RARB: variants seen among roughly 807,000 people sequenced by gnomAD.
RARB encodes the protein retinoic acid receptor beta.
In RARB, 17 loss-of-function variants were observed where a neutral mutation model predicts 51.9. That is an observed-to-expected ratio of 0.33 (90% CI 0.22 to 0.49). The LOEUF (loss-of-function observed/expected upper bound fraction) is 0.49. Ranked by LOEUF, RARB falls within the 20% of genes least tolerant of loss-of-function variation. The pLI is 0.99. For synonymous variants in RARB, 215 were observed against 195.4 expected (o/e 1.10, Z -0.84); for missense variants, 369 against 550.8 (o/e 0.67, Z 3.30).
At chr3:25,561,470 G>A (rs1483120002) in intron 3 of RARB, among the ~76,000 whole-genome samples, 3 of 152,130 alleles carry the variant, frequency 2.0e-5, no homozygotes, top group Admixed American at 6.5e-5. Flanking sequence ...CCATGGATCA[G>A]TCGGGTTGTA....
intron 2 of RARB, among the ~76,000 whole-genome samples, chr3:24,954,125 T>C (rs1266804003): frequency 6.6e-6 from 1 of 152,206 alleles, no homozygotes; most frequent in African/African-American, 2.4e-5. Context: ...CCTGCTCTTT[T>C]TATGGGTACC....
intron 2 of RARB, among the ~76,000 whole-genome samples, chr3:24,987,632 G>A (rs929381648): frequency 1.3e-5 from 2 of 152,208 alleles, no homozygotes; most frequent in African/African-American, 2.4e-5. Context: ...TAATGGCCCG[G>A]TTTTAAGAGA....
At chr3:25,318,691 T>A (rs1181759246) in intron 5 of RARB, among the ~76,000 whole-genome samples, 1 of 152,194 alleles carries the variant, frequency 6.6e-6, no homozygotes, top group Non-Finnish European at 1.5e-5. Context: ...TAGAATTCTT[T>A]GGTCTTCTTG....
At chr3:25,121,903 C>A (rs527699306) in intron 3 of RARB, among the ~76,000 whole-genome samples, 2 of 152,258 alleles carry the variant, frequency 1.3e-5, no homozygotes, top group African/African-American at 4.8e-5. Context: ...GGACCTGTCA[C>A]GTTCTTCTAC....
Position 25,454,165 on chromosome 3 carries a change from G to GT in RARB, c.158-7026dup, listed in dbSNP as rs571796183. Among the ~76,000 whole-genome samples the GT allele has an allele frequency of 5.6e-3, 856 of 152,316 alleles. 16 individuals carry two copies. Among genetic ancestry groups the GT allele is most frequent in the African/African-American group, 0.019 (789 of 41,552 alleles). ...ATTTTACTAAAATGTCTACACACGAGTTCATACACGCATGCGCACACGCAA... is the reference window on the plus strand; with the variant it reads ...ATTTTACTAAAATGTCTACACACGAGTTTCATACACGCATGCGCACACGCAA... On this transcript the variant is annotated intron_variant, in intron 1 of 7. Coordinates refer to ENST00000330688, the MANE Select transcript of RARB (RefSeq NM_000965.5).
intron 2 of RARB, among the ~76,000 whole-genome samples, chr3:24,918,535 G>C (rs955405544): frequency 6.6e-6 from 1 of 152,102 alleles, no homozygotes; most frequent in African/African-American, 2.4e-5. Flanking sequence ...CTTATAACAG[G>C]TGAATGTTAT....
intron 2 of RARB, among the ~76,000 whole-genome samples, chr3:24,998,643 C>T (rs1409260942): frequency 6.6e-6 from 1 of 152,100 alleles, no homozygotes; most frequent in Admixed American, 6.6e-5. Context: ...CCTTATGTTT[C>T]TACAGGCTTC....
Position 25,403,825 on chromosome 3 carries a change from A to G in RARB, c.179-57368A>G, listed in dbSNP as rs906518342. On this transcript the variant is annotated intron_variant, in intron 5 of 11. Transcript: ENST00000383772. ...ATTTTTTTCTTTTATGAAATTGGCC[A>G]TCATCTTCATTAGAAAAAAAAAAAA... Among the ~76,000 whole-genome samples, 5 of 137,490 alleles carry G rather than the reference A, an allele frequency of 3.6e-5. No homozygotes were observed. The Admixed American group carries it at 4.1e-4, about 11-fold the overall frequency. The allele number at this position is 137,490 out of a possible 152,430, so 90.2% of individuals were successfully genotyped here.
At chr3:25,210,675 G>T (rs1701675035) in intron 5 of RARB, among the ~76,000 whole-genome samples, 1 of 151,282 alleles carries the variant, frequency 6.6e-6, no homozygotes, top group Admixed American at 6.6e-5. Context: ...AACTGGGGTT[G>T]CAGGGCACAC....
intron 4 of RARB, among the ~76,000 whole-genome samples, chr3:25,149,725 G>A (rs1700251574): frequency 6.6e-6 from 1 of 152,100 alleles, no homozygotes; most frequent in African/African-American, 2.4e-5. Context: ...GTCTCTCTCT[G>A]TCCCTCTGTC....
intron 3 of RARB, among the ~76,000 whole-genome samples, chr3:25,127,573 C>G (rs1699882437): frequency 6.6e-6 from 1 of 152,040 alleles, no homozygotes; most frequent in South Asian, 2.1e-4. Flanking sequence ...TCTGGCTTCC[C>G]ACTACCACAC....
chr3:25,258,978 G>A, intron 5 of RARB: 1 of 960,168 alleles, frequency 1.0e-6, no homozygotes, highest in Non-Finnish European at 1.2e-6. Context: ...ACCTCAGCCT[G>A]AGTTTTGCTG....
At chr3:24,856,855 A>C (rs1702642968) in intron 1 of RARB, among the ~76,000 whole-genome samples, 1 of 152,138 alleles carries the variant, frequency 6.6e-6, no homozygotes, top group Admixed American at 6.5e-5. Flanking sequence ...CAATTGGATT[A>C]AGTTGCTTGA....
At chr3:25,247,677 T>C (rs1250073552) in intron 5 of RARB, among the ~76,000 whole-genome samples, 1 of 152,224 alleles carries the variant, frequency 6.6e-6, no homozygotes, top group African/African-American at 2.4e-5. Context: ...CCCAATGACA[T>C]GAACCAGGTA....
chr3:25,386,689 C>T (rs776419508), intron 5 of RARB, among the ~76,000 whole-genome samples: 13 of 152,092 alleles, frequency 8.5e-5, no homozygotes, highest in Non-Finnish European at 1.6e-4. Context: ...AGGAGTTGTA[C>T]CTTCTACTTA....
intron 5 of RARB, among the ~76,000 whole-genome samples, chr3:25,266,163 A>C (rs540312217): frequency 6.6e-6 from 1 of 152,316 alleles, no homozygotes; most frequent in African/African-American, 2.4e-5. Context: ...TAACATATTC[A>C]CAGATCCTGG....
intron 2 of RARB, among the ~76,000 whole-genome samples, chr3:25,029,936 C>T (rs1697833404): frequency 1.3e-5 from 2 of 152,158 alleles, no homozygotes; most frequent in Non-Finnish European, 1.5e-5. Context: ...ATGTATGAGA[C>T]AGGGCCACTG....
At chr3:25,300,603 C>T (rs1265997527) in intron 5 of RARB, among the ~76,000 whole-genome samples, 1 of 152,122 alleles carries the variant, frequency 6.6e-6, no homozygotes, top group Admixed American at 6.5e-5. Flanking sequence ...ATCATAAAGC[C>T]TTTAAAAGGA....
At chr3:25,211,845 G>A (rs572399622) in intron 5 of RARB, among the ~76,000 whole-genome samples, 287 of 152,262 alleles carry the variant, frequency 1.9e-3, no homozygotes, top group Non-Finnish European at 3.2e-3. Context: ...ATAATTTGCA[G>A]ACTCATGATT....
Sources: gnomAD v4.1 joint callset for allele counts (sites outside exome capture counted in the v4.1 genomes callset) on GRCh38, gnomAD v4.1.1 for gene constraint, MANE v1.5 for transcripts, NCBI Gene and HGNC (gene_info 2026-07-23, HGNC 2026-07-21) for gene names.